USH2A: variants seen among roughly 807,000 people sequenced by gnomAD.
USH2A encodes usherin, also known as Usher syndrome 2A (autosomal recessive, mild).
Under a neutral mutation model 538.9 loss-of-function variants are expected in USH2A, and 443 were observed. The ratio of observed to expected loss-of-function variants is 0.82; its 90% CI spans 0.76 to 0.89. The LOEUF (loss-of-function observed/expected upper bound fraction) is 0.89, where lower values mean the gene tolerates loss of function less well. Ranked by LOEUF, USH2A falls within the 40% of genes least tolerant of loss-of-function variation. The pLI is 0.00. For synonymous variants in USH2A, 2,413 were observed against 2,273.5 expected, an observed-to-expected ratio of 1.06 and a Z score of -1.75; for missense variants, 6,633 against 6,324.8, an observed-to-expected ratio of 1.05 and a Z score of -1.65.
chr1:216,257,875 G>A (rs1022006258), intron 11 of USH2A, among the ~76,000 whole-genome samples: 1 of 151,966 alleles, frequency 6.6e-6, no homozygotes, highest in African/African-American at 2.4e-5. Context: ...ATTCCATACA[G>A]TGTAGGTTTT....
chr1:215,915,852 C>T (rs1271110173), intron 38 of USH2A, among the ~76,000 whole-genome samples: 10 of 151,690 alleles, frequency 6.6e-5, no homozygotes, highest in Non-Finnish European at 1.5e-4. Context: ...GAATACTATG[C>T]AGCCATAAAA....
intron 14 of USH2A, 138 bp from the exon 15 acceptor site, chr1:216,217,688 A>C (rs972203725): frequency 1.0e-6 from 1 of 989,520 alleles, no homozygotes; most frequent in African/African-American, 1.6e-5. Flanking sequence ...GCTTGAGCTA[A>C]ACAAACAAAG....
At chr1:215,656,183 G>A (rs934288103) in intron 64 of USH2A, among the ~76,000 whole-genome samples, 1 of 152,062 alleles carries the variant, frequency 6.6e-6, no homozygotes, top group Non-Finnish European at 1.5e-5. Flanking sequence ...GCTTTGCCTC[G>A]CTCAATGTCT....
chr1:215,965,428 C>G lies in USH2A; in HGVS notation c.7009G>C (p.Val2337Leu). ...GCTTTCCGGGATCCCTGTGTTTTGA[C>G]AAACACATTTACTGTTCCTTCAGGA... ...APPEGTVNVF[V>L]KTQGSRKAHV... Residue 2337 changes from valine (V) to leucine (L), a missense_variant, in exon 37 of 72, where the codon GTC becomes CTC. Transcript: ENST00000307340. 6.2e-7 allele frequency: 1 copy of G among 1,613,802 alleles called. No individual in the cohort carries two copies. Among genetic ancestry groups the G allele is most frequent in the Non-Finnish European group, 8.5e-7 (1 of 1,179,798 alleles).
chr1:216,151,120 C>T (rs545098920), intron 21 of USH2A, among the ~76,000 whole-genome samples: 13 of 152,184 alleles, frequency 8.5e-5, no homozygotes, highest in Middle Eastern at 3.4e-3. Flanking sequence ...AGATACTCAA[C>T]GTTTTCTCAT....
intron 4 of USH2A, among the ~76,000 whole-genome samples, chr1:216,355,317 A>AAGAAAGAG (rs1321469783): frequency 3.6e-5 from 2 of 56,114 alleles, no homozygotes; most frequent in East Asian, 1.5e-3. Context: ...AAAAGAAAGA[A>AAGAAAGAG]AGAAAGAAAG....
intron 9 of USH2A, 146 bp downstream of exon 9, chr1:216,321,737 A>T: frequency 1.4e-6 from 1 of 733,422 alleles, no homozygotes; most frequent in Non-Finnish European, 2.3e-6. Context: ...TATTTTTCTT[A>T]AAAAATCTGC....
rs370977346 is a variant in USH2A at position 216,196,562 on chromosome 1, C to T, written c.4242G>A (p.Ala1414=). 21 of 1,613,168 alleles carry T rather than the reference C, an allele frequency of 1.3e-5. No individual in the cohort carries two copies. The highest frequency in any genetic ancestry group is 1.6e-4 in the Middle Eastern group (1 of 6,076). ...TTAAAAATAACAATACCTGTGAAAA[C>T]GCCATGGGAATAGACTGTTGAGGTG... ...EQSPQQSIPM[A]FSQLLHTAKS... The change falls in exon 19 of 72, where the codon GCG becomes GCA. Residue 1414 remains alanine, a synonymous_variant. Coordinates refer to ENST00000307340, the MANE Select transcript of USH2A (RefSeq NM_206933.4).
intron 21 of USH2A, among the ~76,000 whole-genome samples, chr1:216,153,280 C>T (rs1313484639): frequency 2.6e-5 from 4 of 152,132 alleles, no homozygotes; most frequent in African/African-American, 7.2e-5. Context: ...TGTAACACAC[C>T]CACTGGGGCT....
intron 44 of USH2A, 85 bp downstream of exon 44, chr1:215,866,922 G>A (rs538421522): frequency 1.3e-6 from 2 of 1,571,708 alleles, no homozygotes; most frequent in Non-Finnish European, 1.7e-6. Flanking sequence ...AAAATGATGT[G>A]TACATGGGGG....
At chr1:216,392,666 A>T (rs61086845) in intron 3 of USH2A, among the ~76,000 whole-genome samples, 6 of 151,982 alleles carry the variant, frequency 3.9e-5, no homozygotes, top group African/African-American at 9.7e-5. Context: ...TGTTTTTTTA[A>T]AAAAAAGTGA....
chr1:216,303,890 A>G (rs1293499946), intron 9 of USH2A, among the ~76,000 whole-genome samples: 2 of 151,980 alleles, frequency 1.3e-5, no homozygotes, highest in Non-Finnish European at 2.9e-5. Flanking sequence ...AAGCTAGCAA[A>G]TGATCAATCT....
At position 215,978,113 on chromosome 1, in the gene USH2A, T is replaced by G. The variant is rs1439220258; in HGVS notation, c.6806-7337A>C. Among the ~76,000 whole-genome samples the G allele has an allele frequency of 7.2e-5, 11 of 152,226 alleles. No individual in the cohort carries two copies. In the East Asian group the frequency reaches 2.1e-3, roughly 29 times the overall value. ...CTGCACTCCAGCCTGGGTGACAAAG[T>G]GAGAGCCTTTCTTAAAAAAGAAAAT... On this transcript the variant is annotated intron_variant, in intron 35 of 71. Coordinates refer to ENST00000307340, the MANE Select transcript of USH2A (RefSeq NM_206933.4).
intron 34 of USH2A, among the ~76,000 whole-genome samples, chr1:215,995,255 C>T (rs1668107555): frequency 6.6e-6 from 1 of 152,078 alleles, no homozygotes; most frequent in Non-Finnish European, 1.5e-5. Context: ...GTTTCATCTA[C>T]TATGTCATCT....
At chr1:216,421,474 G>T (rs187288436) in intron 2 of USH2A, among the ~76,000 whole-genome samples, 140 of 152,186 alleles carry the variant, frequency 9.2e-4, no homozygotes, top group African/African-American at 3.2e-3. Flanking sequence ...AGGAAATGTT[G>T]ATTATATAAA....
intron 3 of USH2A, among the ~76,000 whole-genome samples, chr1:216,368,692 G>A (rs907002075): frequency 5.9e-5 from 9 of 152,184 alleles, no homozygotes; most frequent in Non-Finnish European, 1.0e-4. Context: ...CACTATAAAT[G>A]ATGATGGTTG....
At chr1:216,317,627 C>T (rs1298629508) in intron 9 of USH2A, among the ~76,000 whole-genome samples, 1 of 151,774 alleles carries the variant, frequency 6.6e-6, no homozygotes, top group Non-Finnish European at 1.5e-5. Flanking sequence ...GCAGGTGGAG[C>T]ACTTGAGGTC....
intron 71 of USH2A, 92 bp from the exon 72 acceptor site, chr1:215,625,962 A>T (rs537968924): frequency 7.7e-7 from 1 of 1,296,974 alleles, no homozygotes; most frequent in Admixed American, 1.8e-5. Context: ...TGTAAAAAGT[A>T]ATAAGTATTA....
chr1:215,914,755 G>A (rs866517981), intron 38 of USH2A, among the ~76,000 whole-genome samples: 7 of 152,242 alleles, frequency 4.6e-5, no homozygotes, highest in South Asian at 2.1e-4. Context: ...GGGAATGCAC[G>A]CCATCTGCTC....
Sources: allele counts gnomAD v4.1 joint callset (sites outside exome capture counted in the v4.1 genomes callset), GRCh38; gene constraint gnomAD v4.1.1; transcripts MANE v1.5; gene names NCBI Gene and HGNC (gene_info 2026-07-23, HGNC 2026-07-21).